WDR17: variants seen among roughly 807,000 people sequenced by gnomAD.
The protein encoded by WDR17 is WD repeat domain 17.
A neutral mutation model predicts 161.7 loss-of-function variants in WDR17; 143 were observed. That is an observed-to-expected ratio of 0.88 (90% confidence interval 0.77 to 1.02). The LOEUF (loss-of-function observed/expected upper bound fraction) is 1.02. Among genes scored for constraint, WDR17 ranks in the 50% least tolerant of loss-of-function variants. The probability of loss-of-function intolerance (pLI) is 0.00; values close to 1 mark genes in which losing one functional copy is unlikely to be tolerated. For missense variants in WDR17, 1,469 were observed against 1,520.9 expected, an observed-to-expected ratio of 0.97 and a Z score of 0.57; for synonymous variants, 517 against 515.6, an observed-to-expected ratio of 1.00 and a Z score of -0.04.
chr4:176,159,273 ATG>A (rs34232923), intron 18 of WDR17, among the ~76,000 whole-genome samples: 100,722 of 147,186 alleles, frequency 0.68, 34,675 homozygotes, highest in African/African-American at 0.75. Context: ...ACACACACAC[ATG>A]CACACACACA....
intron 26 of WDR17, among the ~76,000 whole-genome samples, chr4:176,175,996 T>C (rs1326208591): frequency 6.6e-6 from 1 of 152,198 alleles, no homozygotes; most frequent in African/African-American, 2.4e-5. Flanking sequence ...ATGGAATTAA[T>C]ACTATCAGCA....
rs1182435498 is a variant in WDR17 at position 176,137,519 on chromosome 4, G to T, written c.1268-1G>T. On this transcript the variant is annotated splice_acceptor_variant, in intron 8 of 28. Transcript: ENST00000508596. LOFTEE classifies it high-confidence loss of function. ...TAATGTCTAACAAATTGTTTCCTAA[G>T]GTGGTTTAAATTGTATTGCTGGGGG... 1.2e-6 allele frequency: 2 copies of T among 1,601,626 alleles called. No homozygotes were observed. The highest frequency in any genetic ancestry group is 1.7e-6 in the Non-Finnish European group (2 of 1,172,054).
intron 28 of WDR17, among the ~76,000 whole-genome samples, chr4:176,177,883 T>C (rs1021886441): frequency 1.3e-5 from 2 of 150,836 alleles, no homozygotes; most frequent in African/African-American, 4.9e-5. Flanking sequence ...AAGCAATTCA[T>C]GTAATATGTA....
At chr4:176,150,937 A>G (rs767680190) in intron 16 of WDR17, among the ~76,000 whole-genome samples, 24 of 152,162 alleles carry the variant, frequency 1.6e-4, no homozygotes, top group Non-Finnish European at 2.6e-4. Context: ...GATATGTTTT[A>G]TAATAAATGA....
intron 1 of WDR17, among the ~76,000 whole-genome samples, chr4:176,088,802 T>C (rs750600267): frequency 6.6e-6 from 1 of 152,152 alleles, no homozygotes; most frequent in Non-Finnish European, 1.5e-5. Flanking sequence ...TGTCCCATGA[T>C]GGGGATTATT....
intron 1 of WDR17, among the ~76,000 whole-genome samples, chr4:176,072,599 A>G (rs1051270524): frequency 6.6e-5 from 10 of 152,198 alleles, no homozygotes; most frequent in African/African-American, 2.4e-4. Flanking sequence ...AGCTCAAGTT[A>G]GTGGGCCAAT....
intron 23 of WDR17, among the ~76,000 whole-genome samples, chr4:176,171,186 CTATATATTCACA>C (rs1750682011): frequency 6.6e-6 from 1 of 152,174 alleles, no homozygotes; most frequent in Non-Finnish European, 1.5e-5. Flanking sequence ...ACACTAAAAA[CTATATATTCACA>C]TATGAGGTAC....
intron 10 of WDR17, among the ~76,000 whole-genome samples, chr4:176,141,344 C>A (rs898573719): frequency 6.6e-6 from 1 of 152,138 alleles, no homozygotes; most frequent in Non-Finnish European, 1.5e-5. Context: ...TGAACTACCT[C>A]ATTTTGAAGC....
intron 2 of WDR17, among the ~76,000 whole-genome samples, chr4:176,113,838 T>C (rs1740173283): frequency 6.6e-6 from 1 of 152,010 alleles, no homozygotes; most frequent in African/African-American, 2.4e-5. Context: ...GTATTAGAAT[T>C]TTTCTTTAAC....
rs777313573 is a variant in WDR17 at position 176,172,525 on chromosome 4, T to G, written c.3244+9T>G. The stretch of plus-strand genomic sequence containing the variant: ...TATTAGCTTTGTTAAAGGTAAGTAA[T>G]TAGTTGGTAGTAGAATTTTAAATAT... On this transcript the variant is annotated intron_variant, in intron 24 of 28. Coordinates refer to ENST00000508596, the MANE Select transcript of WDR17 (RefSeq NM_181265.4). 1.3e-6 allele frequency: 2 copies of G among 1,573,526 alleles called. No homozygotes were observed. The highest frequency in any genetic ancestry group is 1.7e-6 in the Non-Finnish European group (2 of 1,166,750).
chr4:176,108,259 C>G (rs996587211), intron 1 of WDR17, among the ~76,000 whole-genome samples: 3 of 152,048 alleles, frequency 2.0e-5, no homozygotes, highest in Non-Finnish European at 4.4e-5. Flanking sequence ...AATTAGCTAT[C>G]GAGCCATGAA....
Position 176,131,713 on chromosome 4 carries a change from A to G in WDR17, c.1073A>G (p.Lys358Arg). The G allele has an allele frequency of 6.2e-7, 1 of 1,611,608 alleles. No homozygotes were observed. Among genetic ancestry groups the G allele is most frequent in the Non-Finnish European group, 8.5e-7 (1 of 1,179,066 alleles). Reference sequence around the variant, plus strand: ...GTTGGACTTTATGATATGGGAGCTAAGAAGTGGGATTTTCTTAGAGACTTG... The same window carrying G: ...GTTGGACTTTATGATATGGGAGCTAGGAAGTGGGATTTTCTTAGAGACTTG... Reference protein sequence around the residue: ...GGVGLYDMGAKKWDFLRDLGH... With the variant: ...GGVGLYDMGARKWDFLRDLGH... Residue 358 changes from lysine to arginine, a missense_variant, in exon 7 of 29, where the codon AAG becomes AGG. By Grantham distance (26) the Lys-to-Arg change is conservative. Transcript: ENST00000508596.
In WDR17 at chr4:176,160,042, C is replaced by G. The variant is rs1283113928; in HGVS notation, c.2574C>G (p.Tyr858Ter). 1.7e-5 allele frequency: 27 copies of G among 1,613,284 alleles called. No individual in the cohort carries two copies. The highest frequency in any genetic ancestry group is 2.1e-5 in the Non-Finnish European group (25 of 1,179,524). ...AAGATAAGGATGATGTCATTCCATA[C>G]TGCATAGCCATTGGTGATGTGAAAA... ...IQEDKDDVIP[Y>*]CIAIGDVKKL... Residue 858 changes from tyrosine (Y) to a stop codon, truncating the protein, a stop_gained, in exon 19 of 29, where the codon TAC becomes TAG. Transcript: ENST00000508596. LOFTEE classifies it high-confidence loss of function.
intron 20 of WDR17, 69 bp from the exon 21 acceptor site, chr4:176,162,006 A>G: frequency 1.5e-6 from 2 of 1,309,670 alleles, no homozygotes; most frequent in Non-Finnish European, 2.1e-6. Flanking sequence ...ATACCTTTTA[A>G]AAAGTATTAG....
At chr4:176,157,357 AAATC>A (rs1227680206) in intron 18 of WDR17, among the ~76,000 whole-genome samples, 5 of 152,246 alleles carry the variant, frequency 3.3e-5, no homozygotes, top group Non-Finnish European at 5.9e-5. Flanking sequence ...ACACAAGTAA[AAATC>A]AATCAAAGGC....
chr4:176,155,980 T>C (rs1748063819), intron 17 of WDR17, 99 bp from the exon 18 acceptor site: 1 of 1,058,960 alleles, frequency 9.4e-7, no homozygotes. Context: ...AATATAAAAA[T>C]ACTATATTAT....
At chr4:176,173,394 A>G (rs757765555) in intron 25 of WDR17, 25 bp downstream of exon 25, 5 of 1,463,228 alleles carry the variant, frequency 3.4e-6, no homozygotes, top group Non-Finnish European at 4.7e-6. Context: ...TGCAAAATAT[A>G]TAAGTGAATC....
At chr4:176,109,219 G>A (rs925708970) in intron 1 of WDR17, among the ~76,000 whole-genome samples, 1 of 151,894 alleles carries the variant, frequency 6.6e-6, no homozygotes, top group Non-Finnish European at 1.5e-5. Context: ...GTTATAAATA[G>A]TAATTTAATA....
At chr4:176,076,557 A>G (rs988712504) in intron 1 of WDR17, among the ~76,000 whole-genome samples, 2 of 151,664 alleles carry the variant, frequency 1.3e-5, no homozygotes, top group Non-Finnish European at 2.9e-5. Flanking sequence ...TCTAAATTTT[A>G]AAAAATCTCT....
Sources: gnomAD v4.1 joint callset for allele counts (sites outside exome capture counted in the v4.1 genomes callset) on GRCh38, gnomAD v4.1.1 for gene constraint, MANE v1.5 for transcripts, NCBI Gene and HGNC (gene_info 2026-07-23, HGNC 2026-07-21) for gene names.